MYH11: variants seen among roughly 807,000 people sequenced by gnomAD.
The protein encoded by MYH11 is myosin heavy chain 11, also known as myosin-11.
Under a neutral mutation model 246.6 loss-of-function variants are expected in MYH11, and 80 were observed. The ratio of observed to expected loss-of-function variants is 0.32; its 90% CI spans 0.27 to 0.39. The LOEUF is 0.39. Ranked by LOEUF, MYH11 falls within the 10% of genes least tolerant of loss-of-function variation. The pLI, the probability that MYH11 is intolerant of heterozygous loss-of-function variation, is 1.00. For synonymous variants in MYH11, 1,071 were observed against 1,015.5 expected, an observed-to-expected ratio of 1.05 and a Z score of -1.04; for missense variants, 2,158 against 2,546.8, an observed-to-expected ratio of 0.85 and a Z score of 3.29.
chr16:15,730,982 T>A (rs1302390291), intron 27 of MYH11, among the ~76,000 whole-genome samples: 1 of 152,052 alleles, frequency 6.6e-6, no homozygotes, highest in African/African-American at 2.4e-5. Context: ...TAATGACAAG[T>A]TTCCTCCAGT....
At chr16:15,760,504 G>A (rs201811752) in intron 11 of MYH11, 36 bp downstream of exon 11, 1 of 1,415,276 alleles carries the variant, frequency 7.1e-7, no homozygotes, top group African/African-American at 1.4e-5. Flanking sequence ...TGGATGGGTG[G>A]GTGCATGGAT....
In MYH11 at chr16:15,736,621, T is replaced by C. The variant is rs117278187; in HGVS notation, c.3293+828A>G. Among the ~76,000 whole-genome samples, 45 of 152,212 alleles carry C rather than the reference T, an allele frequency of 3.0e-4. 2 individuals carry two copies. In the East Asian group the frequency reaches 7.5e-3, roughly 25 times the overall value. ...AGGTTCCTGCCCCAGAGAGATGCTTTCCCTTCATCACCGTAGCACTGTCAA... is the reference window on the plus strand; with the variant it reads ...AGGTTCCTGCCCCAGAGAGATGCTTCCCCTTCATCACCGTAGCACTGTCAA... On this transcript the variant is annotated intron_variant, in intron 25 of 40. Transcript: ENST00000300036.
chr16:15,810,112 C>A (rs1343739300), intron 3 of MYH11, among the ~76,000 whole-genome samples: 3 of 151,868 alleles, frequency 2.0e-5, no homozygotes. Flanking sequence ...CGGCTCACTG[C>A]AACCTCTACC....
chr16:15,758,997 A>AG (rs1567735338), intron 12 of MYH11, among the ~76,000 whole-genome samples: 2 of 151,426 alleles, frequency 1.3e-5, no homozygotes, highest in Admixed American at 6.6e-5. Flanking sequence ...CAAAAAAAAA[A>AG]CCTTCCCTTT....
At chr16:15,728,582 T>TGTGA (rs1491163242) in intron 27 of MYH11, among the ~76,000 whole-genome samples, 1 of 151,866 alleles carries the variant, frequency 6.6e-6, no homozygotes, top group Non-Finnish European at 1.5e-5. Flanking sequence ...CCTGTAGGCA[T>TGTGA]GTGAGTTGCC....
At chr16:15,821,063 G>T (rs1335733386) in intron 3 of MYH11, among the ~76,000 whole-genome samples, 1 of 152,122 alleles carries the variant, frequency 6.6e-6, no homozygotes, top group African/African-American at 2.4e-5. Flanking sequence ...GTAGAGACAG[G>T]GTTTCGCCAT....
At chr16:15,782,295 C>A in intron 6 of MYH11, 90 bp downstream of exon 6, 1 of 1,122,784 alleles carries the variant, frequency 8.9e-7, no homozygotes, top group Non-Finnish European at 1.4e-6. Context: ...TCAGATGCCC[C>A]TCCCACCTCT....
chr16:15,814,330 A>G (rs977532215), intron 3 of MYH11, among the ~76,000 whole-genome samples: 4 of 152,018 alleles, frequency 2.6e-5, no homozygotes, highest in African/African-American at 9.7e-5. Context: ...AGTTGGGTGG[A>G]TCACCTAAGG....
chr16:15,709,112 T>C (rs2039635771), intron 40 of MYH11, among the ~76,000 whole-genome samples: 1 of 151,318 alleles, frequency 6.6e-6, no homozygotes, highest in Non-Finnish European at 1.5e-5. Context: ...TGGCTAATTT[T>C]TGTATTTTTA....
At chr16:15,793,267 T>G (rs886853774) in intron 4 of MYH11, among the ~76,000 whole-genome samples, 1 of 152,004 alleles carries the variant, frequency 6.6e-6, no homozygotes, top group African/African-American at 2.4e-5. Flanking sequence ...CAGCTTTCAG[T>G]TTCCTTCCTT....
intron 1 of MYH11, among the ~76,000 whole-genome samples, chr16:15,850,828 G>A (rs1188514900): frequency 2.6e-5 from 4 of 152,196 alleles, no homozygotes; most frequent in Non-Finnish European, 5.9e-5. Flanking sequence ...CTGGGAGGTA[G>A]AGGTTGCAGT....
chr16:15,738,715 C>T (rs963295260), intron 23 of MYH11, 27 bp from the exon 24 acceptor site: 2 of 1,611,840 alleles, frequency 1.2e-6, no homozygotes, highest in Non-Finnish European at 1.7e-6. Flanking sequence ...AAAGAGATAG[C>T]TTTAGGATTT....
intron 9 of MYH11, among the ~76,000 whole-genome samples, chr16:15,770,339 G>A (rs919324837): frequency 4.6e-5 from 7 of 152,170 alleles, no homozygotes; most frequent in South Asian, 4.1e-4. Context: ...CCAAACGGGC[G>A]TAGGCGTGGG....
chr16:15,755,688 C>T (rs571236717), intron 14 of MYH11, among the ~76,000 whole-genome samples: 12 of 152,180 alleles, frequency 7.9e-5, no homozygotes, highest in African/African-American at 2.6e-4. Flanking sequence ...ATCCTAGCAC[C>T]TTGGGAGGCC....
intron 4 of MYH11, among the ~76,000 whole-genome samples, chr16:15,796,333 A>C (rs1306600115): frequency 6.6e-6 from 1 of 152,202 alleles, no homozygotes; most frequent in African/African-American, 2.4e-5. Context: ...TGCTGATGGC[A>C]TGGGTGCTGG....
chr16:15,704,402 A>T (rs931123418), intron 40 of MYH11, among the ~76,000 whole-genome samples: 1 of 150,188 alleles, frequency 6.7e-6, no homozygotes, highest in African/African-American at 2.5e-5. Flanking sequence ...CTGCTTTTCA[A>T]TATGTCAGGC....
chr16:15,760,621 C>T lies in MYH11; in HGVS notation c.1167G>A (p.Val389=). 1 of 1,614,116 alleles carries T rather than the reference C, an allele frequency of 6.2e-7. No homozygotes were observed. Among genetic ancestry groups the T allele is most frequent in the Non-Finnish European group, 8.5e-7 (1 of 1,179,994 alleles). The stretch of plus-strand genomic sequence containing the variant: ...TGAGGATGGATCTGGTGAAATCTGT[C>T]ACATTAATTCCCATGAGGTGGCAAA... ...QKVCHLMGIN[V]TDFTRSILTP... Residue 389 remains valine (V), a synonymous_variant, in exon 11 of 41, where the codon GTG becomes GTA. Coordinates refer to ENST00000300036, the MANE Select transcript of MYH11 (RefSeq NM_002474.3).
chr16:15,749,537 C>G (rs1377810920), intron 16 of MYH11: 1 of 153,836 alleles, frequency 6.5e-6, no homozygotes, highest in Non-Finnish European at 1.4e-5. Context: ...GTTCTCCTAA[C>G]TGACCACATT....
At chr16:15,775,310 T>C (rs1444819861) in intron 8 of MYH11, among the ~76,000 whole-genome samples, 1 of 152,238 alleles carries the variant, frequency 6.6e-6, no homozygotes, top group African/African-American at 2.4e-5. Flanking sequence ...TAAAGTTTTA[T>C]TGTAACACAG....
Sources: allele counts gnomAD v4.1 joint callset (sites outside exome capture counted in the v4.1 genomes callset), GRCh38; gene constraint gnomAD v4.1.1; transcripts MANE v1.5; gene names NCBI Gene and HGNC (gene_info 2026-07-23, HGNC 2026-07-21).